The following RAB3GAP1 variants were observed in gnomAD, a reference collection of about 807,000 sequenced individuals.
The protein encoded by RAB3GAP1 is rab3 GTPase-activating protein catalytic subunit.
RAB3GAP1 carries 86 observed loss-of-function variants against 130.7 expected under a neutral mutation model. The observed-to-expected ratio is 0.66, with a 90% confidence interval of 0.55 to 0.79. The LOEUF (loss-of-function observed/expected upper bound fraction) is 0.79. Ranked by LOEUF, RAB3GAP1 falls within the 30% of genes least tolerant of loss-of-function variation. RAB3GAP1 has a pLI of 0.00. For missense variants in RAB3GAP1, 1,029 were observed against 1,169.4 expected (o/e 0.88, Z 1.75); for synonymous variants, 367 against 401.7 (o/e 0.91, Z 1.03).
intron 11 of RAB3GAP1, among the ~76,000 whole-genome samples, chr2:135,129,228 G>A (rs1691448425): frequency 1.3e-5 from 2 of 151,740 alleles, no homozygotes; most frequent in African/African-American, 2.4e-5. Flanking sequence ...AGAGGCGGGC[G>A]GACCATGAGG....
chr2:135,102,969 C>G (rs540560186), intron 5 of RAB3GAP1, among the ~76,000 whole-genome samples: 2 of 139,094 alleles, frequency 1.4e-5, no homozygotes, highest in African/African-American at 2.8e-5. Context: ...AAGTCAAGAT[C>G]GCACACCAGA....
At chr2:135,158,678 T>C (rs1692383067) in intron 19 of RAB3GAP1, among the ~76,000 whole-genome samples, 1 of 152,188 alleles carries the variant, frequency 6.6e-6, no homozygotes, top group Admixed American at 6.5e-5. Flanking sequence ...ATATTAAGTC[T>C]AGGTGGAAAA....
intron 3 of RAB3GAP1, among the ~76,000 whole-genome samples, chr2:135,081,306 CAAAA>C (rs1169138978): frequency 0.011 from 148 of 13,174 alleles, no homozygotes; most frequent in African/African-American, 0.038. Context: ...GACTCCGTCT[CAAAA>C]AAAAAAAAAA....
Position 135,168,625 on chromosome 2 carries a change from C to A in RAB3GAP1, c.2790C>A (p.Asp930Glu). ...PEERRQNSVSDFPPPAGREFI... is the reference protein window; with the variant it reads ...PEERRQNSVSEFPPPAGREFI... ...AAAGAAGGCAGAACTCCGTGTCAGA[C>A]TTCCCACCCCCTGCTGGCCGGGAAT... Residue 930 changes from aspartate (D) to glutamate (E), a missense_variant, in exon 24 of 24, where the codon GAC becomes GAA. This residue lies in a region of RAB3GAP1 where 146 missense variants were observed against 143.7 expected (regional missense o/e 1.02). Coordinates refer to ENST00000264158, the MANE Select transcript of RAB3GAP1 (RefSeq NM_012233.3). 1 of 1,614,206 alleles carries A rather than the reference C, an allele frequency of 6.2e-7. No individual in the cohort carries two copies. The highest frequency in any genetic ancestry group is 1.1e-5 in the South Asian group (1 of 91,080).
At chr2:135,077,938 G>C (rs7588784) in intron 3 of RAB3GAP1, among the ~76,000 whole-genome samples, 22,809 of 151,968 alleles carry the variant, frequency 0.15, 3,226 homozygotes, top group African/African-American at 0.37. Context: ...TTTATATATT[G>C]TATATTAATC....
chr2:135,085,651 C>G (rs1689951052), intron 3 of RAB3GAP1, among the ~76,000 whole-genome samples: 1 of 152,150 alleles, frequency 6.6e-6, no homozygotes, highest in African/African-American at 2.4e-5. Context: ...GCTGTTGTTA[C>G]ATAATTGCCA....
Position 135,135,898 on chromosome 2 carries a change from A to G in RAB3GAP1, c.1889A>G (p.His630Arg). The change falls in exon 17 of 24, where the codon CAT (histidine) becomes CGT (arginine). Residue 630 changes from histidine to arginine, a missense_variant. Physicochemically the swap from His to Arg is conservative, Grantham distance 29. Around this residue, in one of 3 missense-constraint regions of RAB3GAP1, gnomAD observed 373 missense variants for 493.6 expected, o/e 0.76. Coordinates refer to ENST00000264158, the MANE Select transcript of RAB3GAP1 (RefSeq NM_012233.3). ...LYQHGKLTLL[H>R]NGEPLYIPVT... ...CAGCATGGGAAACTTACACTGCTGC[A>G]TAATGGAGAACCTCTCTACATTCCA... is the stretch of plus-strand genomic sequence containing the variant. 1 of 1,614,098 alleles carries G rather than the reference A, an allele frequency of 6.2e-7. No individual in the cohort carries two copies. Among genetic ancestry groups the G allele is most frequent in the African/African-American group, 1.3e-5 (1 of 75,074 alleles).
chr2:135,119,727 T>C (rs1403535629), intron 7 of RAB3GAP1, among the ~76,000 whole-genome samples: 1 of 152,220 alleles, frequency 6.6e-6, no homozygotes, highest in Admixed American at 6.5e-5. Context: ...TAAATGTAAA[T>C]GTCATGTATT....
intron 17 of RAB3GAP1, among the ~76,000 whole-genome samples, chr2:135,142,548 C>T (rs1183871614): frequency 6.6e-6 from 1 of 152,132 alleles, no homozygotes; most frequent in Non-Finnish European, 1.5e-5. Flanking sequence ...CTAGGACCTC[C>T]AGTACAGTGT....
intron 3 of RAB3GAP1, among the ~76,000 whole-genome samples, chr2:135,084,230 A>T (rs987142946): frequency 3.3e-5 from 5 of 152,174 alleles, no homozygotes; most frequent in African/African-American, 4.8e-5. Context: ...GGGCAACAAG[A>T]GCGAAACTCC....
At chr2:135,101,690 G>T (rs1017668461) in intron 5 of RAB3GAP1, among the ~76,000 whole-genome samples, 6 of 152,072 alleles carry the variant, frequency 3.9e-5, no homozygotes, top group African/African-American at 1.4e-4. Context: ...AAAGATATGT[G>T]GGCATGATCA....
intron 23 of RAB3GAP1, among the ~76,000 whole-genome samples, chr2:135,165,834 T>C (rs934174204): frequency 3.3e-5 from 5 of 152,190 alleles, no homozygotes; most frequent in Admixed American, 1.3e-4. Flanking sequence ...TAGCTACCAA[T>C]ATGAATGTTC....
At chr2:135,098,810 T>C (rs2104887667) in intron 5 of RAB3GAP1, among the ~76,000 whole-genome samples, 1 of 152,322 alleles carries the variant, frequency 6.6e-6, no homozygotes, top group East Asian at 1.9e-4. Context: ...TGATATTATT[T>C]AAAAAATTTT....
intron 13 of RAB3GAP1, 95 bp from the exon 14 acceptor site, chr2:135,132,800 C>A: frequency 1.3e-6 from 1 of 764,138 alleles, no homozygotes; most frequent in Non-Finnish European, 2.3e-6. Flanking sequence ...GCAGCAAAAC[C>A]ATTAAAAAGT....
chr2:135,071,684 C>T (rs1437151415), intron 3 of RAB3GAP1, among the ~76,000 whole-genome samples: 1 of 152,210 alleles, frequency 6.6e-6, no homozygotes, highest in Non-Finnish European at 1.5e-5. Flanking sequence ...CCTGGGGCTA[C>T]ATGCTCCCCT....
At chr2:135,064,228 GT>G (rs1391341609) in intron 3 of RAB3GAP1, among the ~76,000 whole-genome samples, 3 of 152,014 alleles carry the variant, frequency 2.0e-5, no homozygotes, top group African/African-American at 7.2e-5. Context: ...ATAAATTTTT[GT>G]TTTTCACCAC....
rs1691172371 is a variant in RAB3GAP1, at chr2:135,120,748, AT to A, written c.649-67del. The A allele has an allele frequency of 2.6e-6, 3 of 1,141,664 alleles. No homozygotes were observed. In the Admixed American group the frequency reaches 5.1e-5, roughly 19 times the overall value. 70.7% of individuals were successfully genotyped at this position (1,141,664 alleles called of 1,614,324 possible). ...TATTAATCCATTCCATAAGTTTGAAATTTTGATGTTGAATTAATATGAAAAG... is the reference window on the plus strand; with the variant it reads ...TATTAATCCATTCCATAAGTTTGAAATTTGATGTTGAATTAATATGAAAAG... On this transcript the variant is annotated intron_variant, in intron 7 of 23. Coordinates refer to ENST00000264158, the MANE Select transcript of RAB3GAP1 (RefSeq NM_012233.3).
intron 16 of RAB3GAP1, 108 bp downstream of exon 16, chr2:135,135,427 G>A (rs1691650781): frequency 1.4e-6 from 2 of 1,426,308 alleles, no homozygotes; most frequent in African/African-American, 1.4e-5. Context: ...GCTGCTGTAG[G>A]TTGCCTATAG....
intron 3 of RAB3GAP1, among the ~76,000 whole-genome samples, chr2:135,075,119 T>C (rs941177324): frequency 6.6e-6 from 1 of 152,248 alleles, no homozygotes; most frequent in Admixed American, 6.5e-5. Context: ...GTAAACACTT[T>C]AAAATTATAT....
Sources: allele counts gnomAD v4.1 joint callset (sites outside exome capture counted in the v4.1 genomes callset), GRCh38; gene constraint gnomAD v4.1.1; regional missense constraint gnomAD v4.1.1; transcripts MANE v1.5; gene names NCBI Gene and HGNC (gene_info 2026-07-23, HGNC 2026-07-21).